FAM228B: variants seen among roughly 807,000 people sequenced by gnomAD.
FAM228B encodes family with sequence similarity 228 member B, also known as protein FAM228B.
Under a neutral mutation model 42.6 loss-of-function variants are expected in FAM228B, and 38 were observed. That is an observed-to-expected ratio of 0.89 (90% CI 0.69 to 1.17). FAM228B has a LOEUF of 1.17. Among genes scored for constraint, FAM228B ranks in the 50% most tolerant of loss-of-function variants. The pLI is 0.00. For synonymous variants in FAM228B, 109 were observed against 122.3 expected, an observed-to-expected ratio of 0.89 and a Z score of 0.72; for missense variants, 344 against 367.3, an observed-to-expected ratio of 0.94 and a Z score of 0.52.
Position 24,139,949 on chromosome 2 carries a change from C to T in FAM228B, c.441+499C>T. Among the ~76,000 whole-genome samples the T allele has an allele frequency of 1.3e-5, 2 of 152,090 alleles. 1 individual carries two copies. The highest frequency in any genetic ancestry group is 3.9e-4 in the East Asian group (2 of 5,186). ...TCCCTCAATAGTTTATTATTTGCTT[C>T]TTTCTCAAAATATAAGTATATAATT... On this transcript the variant is annotated intron_variant, in intron 5 of 10. Coordinates refer to ENST00000615575, the MANE Select transcript of FAM228B (RefSeq NM_001145710.2).
intron 3 of FAM228B, among the ~76,000 whole-genome samples, chr2:24,112,956 A>G (rs1459812857): frequency 6.6e-6 from 1 of 152,118 alleles, no homozygotes; most frequent in African/African-American, 2.4e-5. Flanking sequence ...CTTCTTCCAA[A>G]TGCACTTCAA....
upstream of FAM228B, among the ~76,000 whole-genome samples, chr2:24,120,478 C>T (rs1350181826): frequency 2.6e-5 from 4 of 152,160 alleles, no homozygotes; most frequent in Non-Finnish European, 4.4e-5. Flanking sequence ...AAGCAGCATG[C>T]CTAACCCATA....
At chr2:24,137,419 A>G (rs903801113) in intron 3 of FAM228B, among the ~76,000 whole-genome samples, 1 of 152,142 alleles carries the variant, frequency 6.6e-6, no homozygotes, top group Non-Finnish European at 1.5e-5. Flanking sequence ...TATTTTATTT[A>G]TAGTATGCCA....
intron 3 of FAM228B, among the ~76,000 whole-genome samples, chr2:24,114,399 C>T (rs1259299860): frequency 6.6e-6 from 1 of 152,032 alleles, no homozygotes; most frequent in African/African-American, 2.4e-5. Flanking sequence ...CCAATCGTGC[C>T]CTACTTGCTT....
intron 5 of FAM228B, among the ~76,000 whole-genome samples, chr2:24,142,051 G>A (rs1348425741): frequency 2.0e-5 from 3 of 152,174 alleles, no homozygotes; most frequent in East Asian, 1.9e-4. Context: ...ACCTGAGAGC[G>A]TCTCGGGTAG....
intron 2 of FAM228B, among the ~76,000 whole-genome samples, chr2:24,088,631 G>A (rs1055104985): frequency 2.6e-5 from 4 of 152,220 alleles, no homozygotes; most frequent in South Asian, 2.1e-4. Context: ...GATTACAGGC[G>A]TGAGCCACCG....
chr2:24,124,069 G>A (rs747689022), intron 1 of FAM228B: 6 of 251,772 alleles, frequency 2.4e-5, no homozygotes, highest in Non-Finnish European at 4.5e-5. Flanking sequence ...CACACTGGCT[G>A]GAATGGGCTG....
chr2:24,101,425 G>C (rs114580311), intron 3 of FAM228B, among the ~76,000 whole-genome samples: 1,785 of 151,920 alleles, frequency 0.012, 23 homozygotes, highest in Non-Finnish European at 0.017. Flanking sequence ...ATTATTTTCT[G>C]TGACCACAGG....
chr2:24,161,728 C>T, intron 8 of FAM228B, 115 bp downstream of exon 8: 1 of 691,774 alleles, frequency 1.4e-6, no homozygotes, highest in Non-Finnish European at 2.5e-6. Context: ...CACAAAGCTC[C>T]ATTGTGGCAG....
chr2:24,115,033 G>A (rs1305518755), intron 3 of FAM228B, among the ~76,000 whole-genome samples: 1 of 152,204 alleles, frequency 6.6e-6, no homozygotes, highest in East Asian at 1.9e-4. Flanking sequence ...AATGGCCTTT[G>A]CAATCCCTTC....
intron 3 of FAM228B, among the ~76,000 whole-genome samples, chr2:24,113,681 A>G (rs1418493748): frequency 6.6e-6 from 1 of 152,218 alleles, no homozygotes; most frequent in Admixed American, 6.5e-5. Context: ...GTTCGAGGCC[A>G]GCCTGACCAA....
chr2:24,101,057 G>A (rs1194980151), intron 3 of FAM228B, among the ~76,000 whole-genome samples: 3 of 152,136 alleles, frequency 2.0e-5, no homozygotes, highest in African/African-American at 7.2e-5. Context: ...GGTGGGAATT[G>A]TACAATGAGA....
chr2:24,159,117 G>A (rs1390821262), intron 7 of FAM228B, among the ~76,000 whole-genome samples: 1 of 152,174 alleles, frequency 6.6e-6, no homozygotes, highest in Admixed American at 6.5e-5. Flanking sequence ...ACCTATCAGT[G>A]GGTTAGGGTC....
chr2:24,137,924 T>C lies in FAM228B; in HGVS notation c.184T>C (p.Leu62=). Reference sequence around the variant, plus strand: ...TGTTTACTAGGAACTAGATAAGTATTTACAACATCATGCCTTCTTAAATGC... The same window carrying C: ...TGTTTACTAGGAACTAGATAAGTATCTACAACATCATGCCTTCTTAAATGC... ...NSVIKELDKY[L]QHHAFLNARR... is the part of the protein sequence containing the mutation. The change falls in exon 4 of 11, where the codon TTA becomes CTA. Residue 62 remains leucine, a synonymous_variant. Transcript: ENST00000615575. 1 of 1,530,018 alleles carries C rather than the reference T, an allele frequency of 6.5e-7. No individual in the cohort carries two copies. Among genetic ancestry groups the C allele is most frequent in the Non-Finnish European group, 8.8e-7 (1 of 1,141,068 alleles). The allele number at this position is 1,530,018 out of a possible 1,614,324, so 94.8% of individuals were successfully genotyped here. A position where few individuals can be genotyped will look rare whatever the true frequency, so the allele number is the denominator to read the frequency against.
intron 7 of FAM228B, among the ~76,000 whole-genome samples, chr2:24,152,060 G>T (rs1302232054): frequency 6.6e-6 from 1 of 151,964 alleles, no homozygotes; most frequent in East Asian, 1.9e-4. Context: ...GTAGAGACAG[G>T]GTTTCACCAT....
At position 24,139,450 on chromosome 2, in the gene FAM228B, G is replaced by A. The variant is rs1054048735; in HGVS notation, c.441G>A (p.Lys147=). The part of the protein sequence containing the change: ...YMSKKDPNFL[K]VTIPPFHDPL... Reference sequence around the variant, plus strand: ...GCAAGAAGGACCCCAATTTTCTGAAGGTAGGGTAGATTTCTTTTTTTTAAC... The same window carrying A: ...GCAAGAAGGACCCCAATTTTCTGAAAGTAGGGTAGATTTCTTTTTTTTAAC... The change falls in exon 5 of 11, where the codon AAG becomes AAA. Residue 147 remains lysine (K), a splice_region_variant and synonymous_variant. Coordinates refer to ENST00000615575, the MANE Select transcript of FAM228B (RefSeq NM_001145710.2). 2 of 1,536,202 alleles carry A rather than the reference G, an allele frequency of 1.3e-6. No homozygotes were observed. The highest frequency in any genetic ancestry group is 4.0e-5 in the Admixed American group (2 of 50,568).
At chr2:24,135,049 T>C in intron 2 of FAM228B, 70 bp from the exon 3 acceptor site, 1 of 980,508 alleles carries the variant, frequency 1.0e-6, no homozygotes, top group South Asian at 1.6e-5. Flanking sequence ...TCATGCTAAA[T>C]ATAATGATTC....
At chr2:24,110,875 G>C (rs984996297) in intron 3 of FAM228B, among the ~76,000 whole-genome samples, 14 of 151,736 alleles carry the variant, frequency 9.2e-5, no homozygotes, top group African/African-American at 3.4e-4. Context: ...TGTGGGAACT[G>C]AGCTCCTTAA....
chr2:24,096,512 C>T (rs889859545), intron 3 of FAM228B: 6 of 152,222 alleles, frequency 3.9e-5, no homozygotes, highest in South Asian at 4.1e-4. Context: ...CCGATTCGAT[C>T]AAGTGGAAGA....
Sources: gnomAD v4.1 joint callset for allele counts (sites outside exome capture counted in the v4.1 genomes callset) on GRCh38, gnomAD v4.1.1 for gene constraint, MANE v1.5 for transcripts, NCBI Gene and HGNC (gene_info 2026-07-23, HGNC 2026-07-21) for gene names.